The following TMC7 variants were observed in gnomAD, a reference collection of about 807,000 sequenced individuals.
The protein encoded by TMC7 is transmembrane channel like 7.
TMC7 carries 54 observed loss-of-function variants against 82.9 expected under a neutral mutation model. The ratio of observed to expected loss-of-function variants is 0.65; its 90% confidence interval spans 0.52 to 0.82. The LOEUF (loss-of-function observed/expected upper bound fraction) is 0.82, where lower values mean the gene tolerates loss of function less well. TMC7 is among the 40% of genes least tolerant of loss of function. The probability of loss-of-function intolerance (pLI) is 0.00; values close to 1 mark genes in which losing one functional copy is unlikely to be tolerated. For synonymous variants in TMC7, 350 were observed against 337.9 expected (o/e 1.04, Z -0.39); for missense variants, 820 against 901.2 (o/e 0.91, Z 1.15).
rs370530335 is a variant in TMC7, at chr16:19,059,425, G to A, written c.2037G>A (p.Met679Ile). 6.8e-6 allele frequency: 11 copies of A among 1,613,818 alleles called. No homozygotes were observed. The highest frequency in any genetic ancestry group is 2.2e-5 in the East Asian group (1 of 44,886). ...CTGTCTTGTGTTGCAGCCTCATCAT[G>A]TTTTACTTCATTGCCTTAGCTGGAG... is the stretch of plus-strand genomic sequence containing the variant. ...VPFFMIICLI[M>I]FYFIALAGAH... The change falls in exon 15 of 16, where the codon ATG (methionine) becomes ATA (isoleucine). Residue 679 changes from methionine to isoleucine, a missense_variant. Met to Ile is a conservative substitution (Grantham distance 10). Transcript: ENST00000304381.
At chr16:19,035,543 C>T (rs1960703827) in intron 6 of TMC7, 133 bp from the exon 7 acceptor site, 2 of 1,008,092 alleles carry the variant, frequency 2.0e-6, no homozygotes, top group Admixed American at 4.0e-5. Flanking sequence ...TTAGAATGGC[C>T]CCAAACTTGA....
chr16:19,000,072 G>A (rs1043410251), intron 1 of TMC7, among the ~76,000 whole-genome samples: 5 of 151,754 alleles, frequency 3.3e-5, no homozygotes, highest in African/African-American at 9.6e-5. Flanking sequence ...GAGCCACCAC[G>A]CCGGGCAGAG....
rs752752368 is a variant in TMC7, at chr16:19,009,255, C to T, written c.151C>T (p.Arg51Cys). Residue 51 changes from arginine (R) to cysteine (C), a missense_variant, in exon 2 of 16, where the codon CGT becomes TGT. Transcript: ENST00000304381. ...ATTGCCAAGCTACCGGTCCATTGCA[C>T]GTAGGAGAACGACTGTCCATTCCCG... ...QELPSYRSIA[R>C]RRTTVHSRDK... 4.3e-6 allele frequency: 7 copies of T among 1,614,058 alleles called. No individual in the cohort carries two copies. The highest frequency in any genetic ancestry group is 1.6e-4 in the Middle Eastern group (1 of 6,084).
chr16:19,044,799 C>G, intron 9 of TMC7, 85 bp from the exon 10 acceptor site: 2 of 621,346 alleles, frequency 3.2e-6, no homozygotes, highest in Non-Finnish European at 5.5e-6. Flanking sequence ...AAAAAGGCAG[C>G]TTCTACATTC....
At chr16:19,027,162 T>C (rs981720303) in intron 5 of TMC7, among the ~76,000 whole-genome samples, 2 of 144,830 alleles carry the variant, frequency 1.4e-5, no homozygotes, top group African/African-American at 2.5e-5. Flanking sequence ...CTCTGCCTCC[T>C]GGTTTCAAGC....
rs151111375 is a variant in TMC7 at position 18,987,205 on chromosome 16, A to C, written c.67+3075A>C. Reference sequence around the variant, plus strand: ...CTATCTGAGGCAATGCACCCATCTCACTTCCTCTGACCAGTTAGTTACCTT... The same window carrying C: ...CTATCTGAGGCAATGCACCCATCTCCCTTCCTCTGACCAGTTAGTTACCTT... On this transcript the variant is annotated intron_variant, in intron 1 of 15. Transcript: ENST00000304381. Among the ~76,000 whole-genome samples, 705 of 152,098 alleles carry C rather than the reference A, an allele frequency of 4.6e-3. 22 individuals are homozygous for C. Among genetic ancestry groups the C allele is most frequent in the Admixed American group, 0.037 (559 of 15,248 alleles).
chr16:19,009,425 C>G lies in TMC7; in HGVS notation c.311+10C>G, dbSNP rs531048042. ...AGAAGCGGAGACTAAGGTTTGTTCA[C>G]TAGCCACCTGGAACCTGCATTGTGT... On this transcript the variant is annotated intron_variant, in intron 2 of 15. Transcript: ENST00000304381. 1.1e-5 allele frequency: 17 copies of G among 1,607,132 alleles called. No homozygotes were observed. Among genetic ancestry groups the G allele is most frequent in the South Asian group, 1.1e-5 (1 of 90,634 alleles).
intron 6 of TMC7, 109 bp from the exon 7 acceptor site, chr16:19,035,567 G>A: frequency 7.6e-7 from 1 of 1,317,764 alleles, no homozygotes; most frequent in Non-Finnish European, 1.1e-6. Context: ...TGTCACAATG[G>A]GCTGAAAATG....
chr16:19,038,586 A>C (rs1960865366), intron 8 of TMC7, among the ~76,000 whole-genome samples: 1 of 148,160 alleles, frequency 6.7e-6, no homozygotes, highest in East Asian at 2.0e-4. Context: ...GTGTGATCTC[A>C]GTTCACTGTA....
At chr16:19,014,164 C>T (rs980681149) in intron 2 of TMC7, among the ~76,000 whole-genome samples, 3 of 152,080 alleles carry the variant, frequency 2.0e-5, no homozygotes, top group African/African-American at 4.8e-5. Context: ...CCACACCTGG[C>T]CGCACTCTTG....
intron 2 of TMC7, among the ~76,000 whole-genome samples, chr16:19,011,882 C>T (rs1052603349): frequency 3.3e-5 from 5 of 152,060 alleles, no homozygotes; most frequent in Non-Finnish European, 7.4e-5. Context: ...TGGCTTACAC[C>T]TGTAGTCCCA....
intron 1 of TMC7, among the ~76,000 whole-genome samples, chr16:18,996,160 G>A (rs377632359): frequency 6.6e-6 from 1 of 152,072 alleles, no homozygotes; most frequent in Non-Finnish European, 1.5e-5. Flanking sequence ...GGGGAGCAGC[G>A]GCTGAGGAAG....
chr16:19,018,264 G>T (rs1035566702), intron 3 of TMC7, among the ~76,000 whole-genome samples: 28 of 152,192 alleles, frequency 1.8e-4, no homozygotes, highest in Admixed American at 6.5e-5. Flanking sequence ...TCCTATAATG[G>T]TGAGAATTTG....
chr16:19,045,056 C>A, intron 10 of TMC7, 55 bp downstream of exon 10: 3 of 1,367,074 alleles, frequency 2.2e-6, no homozygotes, highest in South Asian at 1.2e-5. Flanking sequence ...AATACAGTGT[C>A]ATGGTCAAGA....
At chr16:19,006,982 A>G (rs909594109) in intron 1 of TMC7, among the ~76,000 whole-genome samples, 3 of 149,112 alleles carry the variant, frequency 2.0e-5, no homozygotes, top group Non-Finnish European at 4.5e-5. Flanking sequence ...ACGTGCAGCT[A>G]GTTTTTTTTT....
At position 18,985,578 on chromosome 16, in the gene TMC7, T is replaced by G. The variant is rs542288067; in HGVS notation, c.67+1448T>G. Among the ~76,000 whole-genome samples, 258 of 152,284 alleles carry G rather than the reference T, an allele frequency of 1.7e-3. 1 individual carries two copies. The highest frequency in any genetic ancestry group is 5.8e-3 in the African/African-American group (240 of 41,560). ...AGTTCCTCATTTCCCATACAAAGAA[T>G]GTGAGATTCATCTTTCTTGCATCTT... On this transcript the variant is annotated intron_variant, in intron 1 of 15. Transcript: ENST00000304381.
intron 4 of TMC7, 102 bp downstream of exon 4, chr16:19,021,898 G>A (rs747939558): frequency 3.7e-5 from 50 of 1,362,868 alleles, no homozygotes; most frequent in East Asian, 7.1e-5. Context: ...ATTCTTGGGC[G>A]ACTGTATTAG....
intron 2 of TMC7, among the ~76,000 whole-genome samples, chr16:19,014,450 C>T (rs112294448): frequency 0.024 from 3,584 of 152,232 alleles, 136 homozygotes; most frequent in African/African-American, 0.082. Flanking sequence ...CTGCGAGGCT[C>T]GTTTGGATGG....
chr16:19,053,179 C>T (rs934401559), intron 13 of TMC7, among the ~76,000 whole-genome samples: 16 of 152,048 alleles, frequency 1.1e-4, no homozygotes, highest in Admixed American at 3.3e-4. Flanking sequence ...CCATAGGTTA[C>T]GTAACAACTG....
Sources: allele counts gnomAD v4.1 joint callset (sites outside exome capture counted in the v4.1 genomes callset), GRCh38; gene constraint gnomAD v4.1.1; transcripts MANE v1.5; gene names NCBI Gene and HGNC (gene_info 2026-07-23, HGNC 2026-07-21).